Variants in FAM227B observed in about 807,000 individuals in gnomAD.
The protein encoded by FAM227B is family with sequence similarity 227 member B.
In FAM227B, 88 loss-of-function variants were observed where a neutral mutation model predicts 73.8. The observed-to-expected ratio is 1.19, with a 90% CI of 1.00 to 1.42. The LOEUF (loss-of-function observed/expected upper bound fraction) is 1.42. Among genes scored for constraint, FAM227B ranks in the 40% most tolerant of loss-of-function variants. FAM227B has a pLI of 0.00. For synonymous variants in FAM227B, 210 were observed against 190.5 expected, an observed-to-expected ratio of 1.10 and a Z score of -0.84; for missense variants, 632 against 590.9, an observed-to-expected ratio of 1.07 and a Z score of -0.72.
At chr15:49,366,196 T>C in intron 13 of FAM227B, 1 of 804,080 alleles carries the variant, frequency 1.2e-6, no homozygotes, top group South Asian at 1.3e-5. Flanking sequence ...TAGGCCACGA[T>C]GGAGAACACA....
intron 11 of FAM227B, among the ~76,000 whole-genome samples, chr15:49,411,831 C>T (rs1236771146): frequency 6.6e-6 from 1 of 152,036 alleles, no homozygotes; most frequent in African/African-American, 2.4e-5. Flanking sequence ...TTTTGCTTCG[C>T]AGACATTTCC....
rs192492423 is a variant in FAM227B at position 49,492,240 on chromosome 15, A to G, written c.1012+15971T>C. ...GCATTGATAGTGATGCTAGTCCTGTATACAATTTAAATAGAATCCATCAGG... is the reference window on the plus strand; with the variant it reads ...GCATTGATAGTGATGCTAGTCCTGTGTACAATTTAAATAGAATCCATCAGG... On this transcript the variant is annotated intron_variant, in intron 11 of 15. Transcript: ENST00000299338. Among the ~76,000 whole-genome samples the G allele has an allele frequency of 8.5e-5, 13 of 152,080 alleles. 1 individual carries two copies. Among genetic ancestry groups the G allele is most frequent in the Admixed American group, 6.6e-4 (10 of 15,236 alleles).
At chr15:49,350,505 G>A (rs767619817) in intron 13 of FAM227B, among the ~76,000 whole-genome samples, 13 of 152,066 alleles carry the variant, frequency 8.5e-5, no homozygotes, top group Admixed American at 3.9e-4. Flanking sequence ...AGTTTTTACT[G>A]GGAGATGCTA....
At chr15:49,397,697 A>C (rs1226032950) in intron 11 of FAM227B, among the ~76,000 whole-genome samples, 3 of 152,210 alleles carry the variant, frequency 2.0e-5, no homozygotes, top group South Asian at 2.1e-4. Context: ...CAATATTCAA[A>C]ATTTTAAAGA....
intron 3 of FAM227B, among the ~76,000 whole-genome samples, chr15:49,595,187 G>T (rs1052731146): frequency 6.6e-6 from 1 of 151,528 alleles, no homozygotes; most frequent in Non-Finnish European, 1.5e-5. Flanking sequence ...ATTTTATATT[G>T]TATTAATTTA....
intron 1 of FAM227B, among the ~76,000 whole-genome samples, chr15:49,619,552 CA>C (rs1175429170): frequency 6.6e-6 from 1 of 152,090 alleles, no homozygotes; most frequent in Non-Finnish European, 1.5e-5. Context: ...ATTGAGTTAC[CA>C]AAGAAAAGCT....
At chr15:49,591,838 G>A (rs1369624128) in intron 3 of FAM227B, among the ~76,000 whole-genome samples, 1 of 151,966 alleles carries the variant, frequency 6.6e-6, no homozygotes, top group Non-Finnish European at 1.5e-5. Context: ...GTATACACAT[G>A]CACACACACA....
At chr15:49,600,610 G>A (rs552118603) in intron 3 of FAM227B, among the ~76,000 whole-genome samples, 80 of 146,898 alleles carry the variant, frequency 5.4e-4, no homozygotes, top group Non-Finnish European at 8.9e-4. Context: ...AGCTGAGATC[G>A]CACCACTGCA....
intron 11 of FAM227B, among the ~76,000 whole-genome samples, chr15:49,406,017 C>T (rs182366065): frequency 1.3e-5 from 2 of 152,296 alleles, no homozygotes; most frequent in African/African-American, 4.8e-5. Context: ...AGGGGGCCAA[C>T]GCTCAGCTCC....
At chr15:49,543,402 A>G (rs145650300) in intron 9 of FAM227B, among the ~76,000 whole-genome samples, 1 of 151,982 alleles carries the variant, frequency 6.6e-6, no homozygotes, top group African/African-American at 2.4e-5. Flanking sequence ...TAGATTCTGG[A>G]TATTAGTCCT....
At position 49,489,841 on chromosome 15, in the gene FAM227B, T is replaced by TATA. The variant is rs2056827571; in HGVS notation, c.1012+18369_1012+18370insTAT. Among the ~76,000 whole-genome samples, 36 of 22,994 alleles carry TATA rather than the reference T, an allele frequency of 1.6e-3. 1 individual carries two copies. The highest frequency in any genetic ancestry group is 2.4e-3 in the Non-Finnish European group (32 of 13,370). 15.1% of individuals were successfully genotyped at this position (22,994 alleles called of 152,430 possible). ...TATATTTTATATATATATATATATT[T>TATA]TATATATATATATATATTTTATATA... On this transcript the variant is annotated intron_variant, in intron 11 of 15. Coordinates refer to ENST00000299338, the MANE Select transcript of FAM227B (RefSeq NM_152647.3).
At chr15:49,465,176 C>T (rs1483447514) in intron 11 of FAM227B, among the ~76,000 whole-genome samples, 1 of 152,094 alleles carries the variant, frequency 6.6e-6, no homozygotes, top group Non-Finnish European at 1.5e-5. Flanking sequence ...GTTGCTCAGG[C>T]TAGAGTGCAG....
chr15:49,596,074 G>C (rs1719030068), intron 3 of FAM227B, among the ~76,000 whole-genome samples: 1 of 152,082 alleles, frequency 6.6e-6, no homozygotes, highest in Non-Finnish European at 1.5e-5. Flanking sequence ...TCCCTGCCTT[G>C]CTAGAAATCT....
chr15:49,499,152 C>T (rs377217317), intron 11 of FAM227B, among the ~76,000 whole-genome samples: 1,712 of 101,380 alleles, frequency 0.017, 59 homozygotes, highest in African/African-American at 0.064. Flanking sequence ...GGCGACAGAG[C>T]GAGACTCCGT....
At chr15:49,451,193 T>C (rs1352731812) in intron 11 of FAM227B, among the ~76,000 whole-genome samples, 8 of 152,092 alleles carry the variant, frequency 5.3e-5, no homozygotes, top group African/African-American at 2.4e-5. Flanking sequence ...ATAAAATAAA[T>C]AATACGGTCA....
At chr15:49,524,929 C>T (rs1211728359) in intron 10 of FAM227B, among the ~76,000 whole-genome samples, 2 of 152,202 alleles carry the variant, frequency 1.3e-5, no homozygotes, top group African/African-American at 4.8e-5. Flanking sequence ...AACGCCTGTA[C>T]TCTAATTGTA....
At chr15:49,346,663 T>C (rs1289161780) in intron 13 of FAM227B, among the ~76,000 whole-genome samples, 2 of 152,126 alleles carry the variant, frequency 1.3e-5, no homozygotes, top group Admixed American at 1.3e-4. Context: ...TTAGAGATAG[T>C]CTTTGGATTA....
chr15:49,422,599 C>CA lies in FAM227B; in HGVS notation c.1013-51201dup, dbSNP rs1401137987. ...GCACCATAGAGGCATTAGACCAATACACCAATTTTACAAATGTAGCAGCTG... is the reference window on the plus strand; with the variant it reads ...GCACCATAGAGGCATTAGACCAATACAACCAATTTTACAAATGTAGCAGCTG... On this transcript the variant is annotated intron_variant, in intron 11 of 15. Transcript: ENST00000299338. 1.6e-5 allele frequency: 19 copies of CA among 1,216,640 alleles called. No individual in the cohort carries two copies. The Admixed American group carries it at 2.9e-4, about 19-fold the overall frequency. The allele number at this position is 1,216,640 out of a possible 1,614,324, so 75.4% of individuals were successfully genotyped here.
intron 9 of FAM227B, among the ~76,000 whole-genome samples, chr15:49,543,518 A>G (rs1883428070): frequency 1.3e-5 from 2 of 152,096 alleles, no homozygotes; most frequent in South Asian, 4.1e-4. Flanking sequence ...ATTAAGTCCC[A>G]TCTGTTTGTT....
Sources: gnomAD v4.1 joint callset for allele counts (sites outside exome capture counted in the v4.1 genomes callset) on GRCh38, gnomAD v4.1.1 for gene constraint, MANE v1.5 for transcripts, NCBI Gene and HGNC (gene_info 2026-07-23, HGNC 2026-07-21) for gene names.